Variants in STMN2 observed in about 807,000 individuals in gnomAD.
STMN2 encodes the protein stathmin-2.
A neutral mutation model predicts 24.1 loss-of-function variants in STMN2; 2 were observed. The ratio of observed to expected loss-of-function variants is 0.08; its 90% CI spans 0.03 to 0.26. The LOEUF is 0.26. STMN2 is among the 10% of genes least tolerant of loss of function. The pLI is 1.00. For synonymous variants in STMN2, 83 were observed against 77.5 expected (o/e 1.07, Z -0.37); for missense variants, 114 against 213.6 (o/e 0.53, Z 2.91).
At chr8:79,643,149 G>GTGTGTATATATATATATATATATATA (rs764308760) in intron 3 of STMN2, among the ~76,000 whole-genome samples, 7 of 140,100 alleles carry the variant, frequency 5.0e-5, no homozygotes, top group African/African-American at 1.8e-4. Context: ...ATGTGTGTGT[G>GTGTGTATATATATATATATATATATA]TATATATATA....
chr8:79,663,524 T>G, intron 4 of STMN2: 1 of 1,187,692 alleles, frequency 8.4e-7, no homozygotes, highest in Non-Finnish European at 1.2e-6. Flanking sequence ...TAAAGAACCC[T>G]ATAAGTGTAG....
chr8:79,618,887 C>A (rs943162413), intron 1 of STMN2, among the ~76,000 whole-genome samples: 1 of 152,112 alleles, frequency 6.6e-6, no homozygotes, highest in Non-Finnish European at 1.5e-5. Flanking sequence ...AAAACCATAA[C>A]AAAAATATTT....
At position 79,644,821 on chromosome 8, in the gene STMN2, AATCT is replaced by A. The variant is rs566023627; in HGVS notation, c.288+3273_288+3276del. ...TCTTACAGATAGAATGAAAAATATT[AATCT>A]AGGCAGCTCTGTGAAACAGTACTGT... On this transcript the variant is annotated intron_variant, in intron 3 of 4. Coordinates refer to ENST00000220876, the MANE Select transcript of STMN2 (RefSeq NM_007029.4). 7.8e-4 allele frequency among the ~76,000 whole-genome samples: 119 copies of A among 152,262 alleles called. 1 individual carries two copies. The East Asian group carries it at 0.021, about 26-fold the overall frequency.
chr8:79,664,781 C>A, intron 4 of STMN2, 34 bp from the exon 5 acceptor site: 1 of 1,607,910 alleles, frequency 6.2e-7, no homozygotes, highest in East Asian at 2.2e-5. Context: ...CAAAAAGGGC[C>A]TGTGACATTT....
At chr8:79,623,290 T>C (rs947856867) in intron 1 of STMN2, among the ~76,000 whole-genome samples, 5 of 152,250 alleles carry the variant, frequency 3.3e-5, no homozygotes, top group Admixed American at 2.6e-4. Context: ...AATCTGTTAT[T>C]GCTATTTTTA....
intron 1 of STMN2, among the ~76,000 whole-genome samples, chr8:79,627,086 G>C (rs1809675488): frequency 6.6e-6 from 1 of 152,032 alleles, no homozygotes; most frequent in African/African-American, 2.4e-5. Context: ...TATATCCTCT[G>C]TTTGGCCCTT....
chr8:79,636,958 A>G, intron 2 of STMN2, 61 bp downstream of exon 2: 1 of 1,495,778 alleles, frequency 6.7e-7, no homozygotes. Flanking sequence ...GTTGACATAT[A>G]TTTGTTTCTT....
intron 2 of STMN2, among the ~76,000 whole-genome samples, chr8:79,639,050 C>G (rs1208593193): frequency 1.3e-5 from 2 of 152,146 alleles, no homozygotes; most frequent in Non-Finnish European, 2.9e-5. Flanking sequence ...TTAGTATTAT[C>G]TAGACTATCT....
chr8:79,614,054 C>T (rs1217494459), intron 1 of STMN2, among the ~76,000 whole-genome samples: 3 of 152,146 alleles, frequency 2.0e-5, no homozygotes, highest in African/African-American at 7.2e-5. Flanking sequence ...GTTCTTCCAA[C>T]TGCTGATTCT....
intron 1 of STMN2, chr8:79,613,460 T>C: frequency 1.0e-6 from 1 of 985,472 alleles, no homozygotes; most frequent in Non-Finnish European, 1.2e-6. Context: ...ACCCCCGCTT[T>C]CCACAATTCG....
chr8:79,644,304 G>A (rs1810173071), intron 3 of STMN2, among the ~76,000 whole-genome samples: 1 of 152,196 alleles, frequency 6.6e-6, no homozygotes, highest in Admixed American at 6.5e-5. Flanking sequence ...TTCAGTGCCT[G>A]TCATCTCTTC....
intron 1 of STMN2, among the ~76,000 whole-genome samples, chr8:79,616,030 G>A (rs1451013843): frequency 3.9e-5 from 6 of 152,100 alleles, no homozygotes; most frequent in African/African-American, 7.2e-5. Context: ...CTTCTTCATC[G>A]ATTGAAATGT....
At chr8:79,624,269 A>C (rs1050732423) in intron 1 of STMN2, among the ~76,000 whole-genome samples, 1 of 151,922 alleles carries the variant, frequency 6.6e-6, no homozygotes, top group African/African-American at 2.4e-5. Flanking sequence ...CCTGGCTAAC[A>C]CGGTGAAACC....
intron 1 of STMN2, among the ~76,000 whole-genome samples, chr8:79,630,985 C>T (rs1460434117): frequency 6.6e-6 from 1 of 152,146 alleles, no homozygotes; most frequent in African/African-American, 2.4e-5. Flanking sequence ...CATTACTCCT[C>T]TAAACCACAG....
intron 1 of STMN2, among the ~76,000 whole-genome samples, chr8:79,619,608 C>T (rs1431656015): frequency 6.6e-6 from 1 of 152,158 alleles, no homozygotes; most frequent in Admixed American, 6.5e-5. Flanking sequence ...TTAATCATCT[C>T]AGGCACTTTT....
chr8:79,641,258 C>A, intron 2 of STMN2, 120 bp from the exon 3 acceptor site: 1 of 1,048,196 alleles, frequency 9.5e-7, no homozygotes, highest in Non-Finnish European at 1.4e-6. Flanking sequence ...TCATAAACAG[C>A]ATTTTATTCC....
At chr8:79,616,980 AATAATGCAAGCTTACTATCAT>A (rs1809395657) in intron 1 of STMN2, among the ~76,000 whole-genome samples, 2 of 152,248 alleles carry the variant, frequency 1.3e-5, no homozygotes, top group Non-Finnish European at 2.9e-5. Flanking sequence ...ATGATAAATC[AATAATGCAAGCTTACTATCAT>A]TTATGAATAG....
chr8:79,621,014 C>T (rs1283487608), intron 1 of STMN2: 4 of 985,132 alleles, frequency 4.1e-6, no homozygotes, highest in East Asian at 1.1e-4. Flanking sequence ...TGAGTTACGT[C>T]CTCTGTGGAG....
At position 79,654,859 on chromosome 8, in the gene STMN2, T is replaced by C. The variant is rs747419449; in HGVS notation, c.289-12T>C. ...TGGATAATTATAAGATGGCTATGTT[T>C]TTCTTCCCCAGTCTCAGGAGGCCCA... On this transcript the variant is annotated splice_polypyrimidine_tract_variant and intron_variant, in intron 3 of 4. Transcript: ENST00000220876. The C allele has an allele frequency of 1.2e-6, 2 of 1,607,602 alleles. No homozygotes were observed.
Sources: gnomAD v4.1 joint callset for allele counts (sites outside exome capture counted in the v4.1 genomes callset) on GRCh38, gnomAD v4.1.1 for gene constraint, MANE v1.5 for transcripts, NCBI Gene and HGNC (gene_info 2026-07-23, HGNC 2026-07-21) for gene names.